Variants in CSMD3 observed in about 807,000 individuals in gnomAD.
CSMD3 encodes the protein CUB and sushi domain-containing protein 3.
In CSMD3, 177 loss-of-function variants were observed where a neutral mutation model predicts 435.2. That is an observed-to-expected ratio of 0.41 (90% CI 0.36 to 0.46). The LOEUF is 0.46. Ranked by LOEUF, CSMD3 falls within the 20% of genes least tolerant of loss-of-function variation. CSMD3 has a pLI of 0.34. For synonymous variants in CSMD3, 1,656 were observed against 1,520.5 expected, an observed-to-expected ratio of 1.09 and a Z score of -2.07; for missense variants, 4,265 against 4,504.6, an observed-to-expected ratio of 0.95 and a Z score of 1.52.
chr8:112,694,777 T>C (rs921605372), intron 13 of CSMD3, among the ~76,000 whole-genome samples: 5 of 152,164 alleles, frequency 3.3e-5, no homozygotes, highest in African/African-American at 1.2e-4. Context: ...TTTCATTCAC[T>C]AGTTATTCAT....
At chr8:113,415,303 G>C (rs1031585135) in intron 1 of CSMD3, among the ~76,000 whole-genome samples, 3 of 152,170 alleles carry the variant, frequency 2.0e-5, no homozygotes, top group African/African-American at 4.8e-5. Flanking sequence ...CAAAAGTCTG[G>C]TCCTCCTCAG....
chr8:112,411,129 T>TC (rs951275758), intron 32 of CSMD3, among the ~76,000 whole-genome samples: 3 of 150,456 alleles, frequency 2.0e-5, no homozygotes, highest in African/African-American at 7.3e-5. Flanking sequence ...CATCTTTTTT[T>TC]TTTTTTTTTT....
intron 38 of CSMD3, among the ~76,000 whole-genome samples, chr8:112,355,538 TA>T (rs1156894566): frequency 6.6e-6 from 1 of 152,044 alleles, no homozygotes; most frequent in Non-Finnish European, 1.5e-5. Context: ...AATTCCCCAT[TA>T]AAAAGTGGGC....
chr8:112,859,231 C>G lies in CSMD3; in HGVS notation c.1669G>C (p.Gly557Arg). 6.2e-7 allele frequency: 1 copy of G among 1,610,928 alleles called. No homozygotes were observed. The highest frequency in any genetic ancestry group is 8.5e-7 in the Non-Finnish European group (1 of 1,177,602). ...GGAAAGTTGGGAGATGTAAAGGTAC[C>G]ACTTGGTCCTTGAAGATTAGAGCCA... The part of the protein sequence containing the change: ...TCGSNLQGPS[G>R]TFTSPNFPFQ... The change falls in exon 11 of 71, where the codon GGT (glycine) becomes CGT (arginine). Residue 557 changes from glycine to arginine, a missense_variant. Gly to Arg is a moderately radical substitution (Grantham distance 125, BLOSUM62 -2). Coordinates refer to ENST00000297405, the MANE Select transcript of CSMD3 (RefSeq NM_198123.2).
intron 35 of CSMD3, among the ~76,000 whole-genome samples, chr8:112,399,074 G>A (rs544989338): frequency 5.3e-5 from 8 of 150,484 alleles, no homozygotes; most frequent in East Asian, 4.0e-4. Flanking sequence ...GTGCCACCAC[G>A]CCCAGCTAAT....
chr8:113,419,100 T>C (rs1046893121), intron 1 of CSMD3, among the ~76,000 whole-genome samples: 2 of 151,060 alleles, frequency 1.3e-5, no homozygotes, highest in African/African-American at 4.8e-5. Flanking sequence ...ATGTGATATT[T>C]GTATACACTT....
At chr8:112,969,994 T>G (rs2084583279) in intron 7 of CSMD3, among the ~76,000 whole-genome samples, 1 of 152,068 alleles carries the variant, frequency 6.6e-6, no homozygotes, top group African/African-American at 2.4e-5. Flanking sequence ...ACTAAATGAA[T>G]CTTGAATGAA....
At chr8:112,910,717 C>T (rs185538317) in intron 10 of CSMD3, among the ~76,000 whole-genome samples, 3 of 151,914 alleles carry the variant, frequency 2.0e-5, no homozygotes, top group South Asian at 4.1e-4. Context: ...TGTCCTTTTC[C>T]GTCTACAAAC....
intron 13 of CSMD3, among the ~76,000 whole-genome samples, chr8:112,737,344 C>G (rs2077208143): frequency 6.6e-6 from 1 of 152,092 alleles, no homozygotes; most frequent in Non-Finnish European, 1.5e-5. Flanking sequence ...ACAATCCAAA[C>G]TAGAGCTTCA....
At chr8:112,535,355 C>A (rs577271738) in intron 27 of CSMD3, among the ~76,000 whole-genome samples, 21 of 152,226 alleles carry the variant, frequency 1.4e-4, no homozygotes, top group African/African-American at 5.1e-4. Flanking sequence ...ACAAAAATCA[C>A]GAGCATTCTT....
intron 27 of CSMD3, among the ~76,000 whole-genome samples, chr8:112,531,222 C>T (rs992518791): frequency 6.6e-6 from 1 of 152,170 alleles, no homozygotes; most frequent in Non-Finnish European, 1.5e-5. Context: ...CCCCTGATTT[C>T]AGGCCACTGC....
intron 38 of CSMD3, among the ~76,000 whole-genome samples, chr8:112,356,667 G>A (rs1171420347): frequency 6.6e-6 from 1 of 151,648 alleles, no homozygotes; most frequent in Non-Finnish European, 1.5e-5. Flanking sequence ...CTGGTGGGAG[G>A]TAACTGAATC....
intron 3 of CSMD3, among the ~76,000 whole-genome samples, chr8:113,269,311 G>A (rs1485718514): frequency 6.6e-6 from 1 of 151,988 alleles, no homozygotes; most frequent in Non-Finnish European, 1.5e-5. Context: ...AATAAAAGAG[G>A]ATACAAACAA....
intron 22 of CSMD3, among the ~76,000 whole-genome samples, chr8:112,606,312 T>C (rs1832788432): frequency 1.3e-5 from 2 of 152,134 alleles, no homozygotes; most frequent in South Asian, 2.1e-4. Flanking sequence ...CACTGCCTAA[T>C]AGACTCACTT....
intron 4 of CSMD3, among the ~76,000 whole-genome samples, chr8:113,170,710 A>T (rs78536592): frequency 1.7e-3 from 261 of 152,274 alleles, no homozygotes; most frequent in East Asian, 9.7e-3. Context: ...TGTCTTAATC[A>T]ATCTTTTGAT....
chr8:112,848,207 GA>G (rs1474235776), intron 11 of CSMD3, among the ~76,000 whole-genome samples: 1 of 152,052 alleles, frequency 6.6e-6, no homozygotes, highest in Non-Finnish European at 1.5e-5. Context: ...AGAACTATAT[GA>G]AAAACCCAGT....
At chr8:113,335,168 C>T (rs1009927963) in intron 1 of CSMD3, among the ~76,000 whole-genome samples, 3 of 152,068 alleles carry the variant, frequency 2.0e-5, no homozygotes, top group Non-Finnish European at 2.9e-5. Context: ...TATCTTGCTC[C>T]TCCATTACCT....
At chr8:112,895,409 G>T (rs540568504) in intron 10 of CSMD3, among the ~76,000 whole-genome samples, 1 of 151,292 alleles carries the variant, frequency 6.6e-6, no homozygotes, top group South Asian at 2.1e-4. Flanking sequence ...TCCAGAAAGA[G>T]GAAAGCCCAA....
intron 3 of CSMD3, among the ~76,000 whole-genome samples, chr8:113,194,783 A>G (rs902378781): frequency 2.2e-4 from 34 of 151,304 alleles, no homozygotes; most frequent in African/African-American, 7.7e-4. Flanking sequence ...GTAAATTTTA[A>G]TAGGCCTCCA....
Sources: allele counts gnomAD v4.1 joint callset (sites outside exome capture counted in the v4.1 genomes callset), GRCh38; gene constraint gnomAD v4.1.1; transcripts MANE v1.5; gene names NCBI Gene and HGNC (gene_info 2026-07-23, HGNC 2026-07-21).